The following ANKRD26 variants were observed in gnomAD, a reference collection of about 807,000 sequenced individuals.
The protein encoded by ANKRD26 is ankyrin repeat domain 26.
In ANKRD26, 141 loss-of-function variants were observed where a neutral mutation model predicts 208.7. That is an observed-to-expected ratio of 0.68 (90% CI 0.59 to 0.78). ANKRD26 has a LOEUF of 0.78. Among genes scored for constraint, ANKRD26 ranks in the 30% least tolerant of loss-of-function variants. The pLI is 0.00. For missense variants in ANKRD26, 1,889 were observed against 1,938.7 expected (o/e 0.97, Z 0.48); for synonymous variants, 636 against 660.4 (o/e 0.96, Z 0.57).
intron 4 of ANKRD26, among the ~76,000 whole-genome samples, chr10:26,997,097 G>A (rs888258187): frequency 6.6e-6 from 1 of 152,168 alleles, no homozygotes; most frequent in Non-Finnish European, 1.5e-5. Flanking sequence ...ATGTTGAGGA[G>A]ATTGTGGCCC....
intron 5 of ANKRD26, among the ~76,000 whole-genome samples, chr10:26,994,114 G>C (rs1015948692): frequency 6.6e-6 from 1 of 152,168 alleles, no homozygotes; most frequent in Admixed American, 6.5e-5. Context: ...GGTCTGGGCT[G>C]GTGTCTTGGG....
chr10:26,972,841 C>T (rs945959968), downstream of ANKRD26, among the ~76,000 whole-genome samples: 8 of 152,084 alleles, frequency 5.3e-5, no homozygotes, highest in Admixed American at 1.3e-4. Flanking sequence ...CTGCCCGCCT[C>T]AGCCTCCCAA....
At chr10:27,051,523 T>G (rs2054659696) in intron 16 of ANKRD26, 1 of 985,010 alleles carries the variant, frequency 1.0e-6, no homozygotes, top group Admixed American at 6.1e-5. Context: ...TTCCTTACTT[T>G]TTTATTTTCT....
At chr10:26,985,548 G>A (rs1331927649) in intron 3 of ANKRD26, among the ~76,000 whole-genome samples, 2 of 152,138 alleles carry the variant, frequency 1.3e-5, no homozygotes, top group African/African-American at 4.8e-5. Flanking sequence ...TCCCCAGATT[G>A]GAGCTGGTGG....
chr10:27,093,757 T>C lies in ANKRD26; in HGVS notation c.285A>G (p.Val95=). 1 of 1,614,226 alleles carries C rather than the reference T, an allele frequency of 6.2e-7. No individual in the cohort carries two copies. Among genetic ancestry groups the C allele is most frequent in the Non-Finnish European group, 8.5e-7 (1 of 1,180,034 alleles). Residue 95 remains valine, a synonymous_variant, in exon 2 of 34, where the codon GTA becomes GTG. Transcript: ENST00000376087. ...HLACANGHPE[V]VTLLVDRKCQ... is the part of the protein sequence containing the mutation. ...ATTTTCTGTCCACCAGGAGAGTTAC[T>C]ACTTCTGGATGACCATTGGCACAGG... is the stretch of plus-strand genomic sequence containing the variant.
At chr10:27,024,415 G>A (rs773723744) in intron 28 of ANKRD26, 32 bp downstream of exon 28, 1 of 1,179,128 alleles carries the variant, frequency 8.5e-7, no homozygotes, top group South Asian at 1.3e-5. Context: ...ATTAATGAAT[G>A]GTTAAAATGA....
chr10:27,070,791 G>A (rs1222811329), intron 9 of ANKRD26, among the ~76,000 whole-genome samples: 1 of 128,362 alleles, frequency 7.8e-6, no homozygotes, highest in Non-Finnish European at 1.8e-5. Context: ...TCAGCCCCCT[G>A]AGTAGCTGGG....
chr10:27,099,562 TG>T (rs11404415), intron 1 of ANKRD26, among the ~76,000 whole-genome samples: 5,375 of 113,582 alleles, frequency 0.047, 206 homozygotes, highest in African/African-American at 0.091. Flanking sequence ...CTATTAGAGT[TG>T]GGGGGGGGGG....
At chr10:27,051,695 G>A (rs987465345) in intron 16 of ANKRD26, 13 of 985,170 alleles carry the variant, frequency 1.3e-5, no homozygotes, top group Non-Finnish European at 1.6e-5. Flanking sequence ...AGCCATTTTC[G>A]AGACTGAGTA....
chr10:27,046,613 T>TA (rs1461822477), intron 17 of ANKRD26, 90 bp from the exon 18 acceptor site: 2 of 1,294,236 alleles, frequency 1.5e-6, no homozygotes, highest in African/African-American at 1.5e-5. Context: ...AAAGAAAGAA[T>TA]AAAAAATCCA....
At position 27,017,518 on chromosome 10, in the gene ANKRD26, A is replaced by T. The variant is rs149647444; in HGVS notation, c.4490T>A (p.Val1497Asp). ...RQEIAEKLKE[V>D]NLFLQAQAAS... ...TAAGCTAACCTGTAAAAATAGATTG[A>T]CTTCTTTTAATTTTTCTGCTATTTC... is the stretch of plus-strand genomic sequence containing the variant. The change falls in exon 30 of 34, where the codon GTC (valine) becomes GAC (aspartate). Residue 1497 changes from valine to aspartate, a missense_variant. Val to Asp is a radical substitution (Grantham distance 152). Transcript: ENST00000376087. 3.2e-4 allele frequency: 514 copies of T among 1,613,500 alleles called. 3 individuals carry two copies. In the East Asian group the frequency reaches 9.4e-3, roughly 30 times the overall value.
At chr10:27,018,497 CA>C (rs375326016) in intron 29 of ANKRD26, among the ~76,000 whole-genome samples, 2,577 of 148,896 alleles carry the variant, frequency 0.017, 44 homozygotes, top group African/African-American at 0.039. Flanking sequence ...TAGGCCTCAT[CA>C]AAAAAAAAGG....
chr10:27,060,770 G>T (rs1589305885), intron 13 of ANKRD26, among the ~76,000 whole-genome samples: 1 of 152,190 alleles, frequency 6.6e-6, no homozygotes, highest in Non-Finnish European at 1.5e-5. Context: ...TTGAATGTAA[G>T]ATTATGTTCC....
At chr10:27,051,635 AG>A in intron 16 of ANKRD26, 1 of 985,358 alleles carries the variant, frequency 1.0e-6, no homozygotes, top group Non-Finnish European at 1.2e-6. Flanking sequence ...AAGGCTTAGA[AG>A]ATGACTGGCA....
chr10:26,954,439 T>C, the ANKRD26 span, among the ~76,000 whole-genome samples: 1 of 152,216 alleles, frequency 6.6e-6, no homozygotes, highest in Non-Finnish European at 1.5e-5. Context: ...GTAATATTTT[T>C]AGTTATTGTA....
At chr10:27,084,108 G>C (rs1237744088) in intron 5 of ANKRD26, among the ~76,000 whole-genome samples, 1 of 151,696 alleles carries the variant, frequency 6.6e-6, no homozygotes, top group African/African-American at 2.4e-5. Context: ...AGCTACTCAG[G>C]AGGCTGAGGC....
intron 27 of ANKRD26, among the ~76,000 whole-genome samples, chr10:27,025,720 C>G (rs2053638620): frequency 1.3e-5 from 2 of 152,142 alleles, no homozygotes; most frequent in Admixed American, 1.3e-4. Context: ...CATGCTGAGT[C>G]CTGTCCCCTT....
intron 7 of ANKRD26, among the ~76,000 whole-genome samples, chr10:27,077,936 T>A (rs183393644): frequency 1.1e-3 from 162 of 152,290 alleles, no homozygotes; most frequent in Non-Finnish European, 1.9e-3. Context: ...AATTGATTAT[T>A]ATATAAATAC....
At chr10:27,039,097 G>A (rs2054141404) in intron 21 of ANKRD26, among the ~76,000 whole-genome samples, 2 of 152,142 alleles carry the variant, frequency 1.3e-5, no homozygotes, top group South Asian at 4.1e-4. Flanking sequence ...ATTAGAGAGA[G>A]ATCACTTTCA....
Sources: gnomAD v4.1 joint callset for allele counts (sites outside exome capture counted in the v4.1 genomes callset) on GRCh38, gnomAD v4.1.1 for gene constraint, MANE v1.5 for transcripts, NCBI Gene and HGNC (gene_info 2026-07-23, HGNC 2026-07-21) for gene names.